DNAJC11: variants seen among roughly 807,000 people sequenced by gnomAD.
The protein encoded by DNAJC11 is DnaJ heat shock protein family (Hsp40) member C11, also known as dnaJ homolog subfamily C member 11.
In DNAJC11, 15 loss-of-function variants were observed where a neutral mutation model predicts 78.6. The ratio of observed to expected loss-of-function variants is 0.19; its 90% CI spans 0.13 to 0.29. The LOEUF (loss-of-function observed/expected upper bound fraction) is 0.29. Among genes scored for constraint, DNAJC11 ranks in the 10% least tolerant of loss-of-function variants. DNAJC11 has a pLI of 1.00. For synonymous variants in DNAJC11, 292 were observed against 272.1 expected (o/e 1.07, Z -0.72); for missense variants, 547 against 709.6 (o/e 0.77, Z 2.60).
intron 3 of DNAJC11, among the ~76,000 whole-genome samples, chr1:6,674,731 A>AC (rs928765536): frequency 6.6e-6 from 1 of 152,074 alleles, no homozygotes; most frequent in Non-Finnish European, 1.5e-5. Context: ...CTGTCTCAAA[A>AC]AAAAAAAAGT....
chr1:6,644,504 G>C, intron 10 of DNAJC11, 54 bp downstream of exon 10: 1 of 1,269,596 alleles, frequency 7.9e-7, no homozygotes, highest in Non-Finnish European at 1.2e-6. Flanking sequence ...GTAAAGCCTG[G>C]TTGAGTGAAG....
intron 1 of DNAJC11, among the ~76,000 whole-genome samples, chr1:6,684,796 T>C (rs942311395): frequency 2.6e-5 from 4 of 152,168 alleles, no homozygotes; most frequent in African/African-American, 9.7e-5. Flanking sequence ...ATCCTAAAAT[T>C]CTGTAACAAA....
chr1:6,647,777 T>C (rs934650135), intron 7 of DNAJC11, among the ~76,000 whole-genome samples: 3 of 152,076 alleles, frequency 2.0e-5, no homozygotes, highest in African/African-American at 7.2e-5. Context: ...ACTGCGCCAC[T>C]GCACTCCAGC....
chr1:6,639,558 C>G (rs193084765), intron 11 of DNAJC11, among the ~76,000 whole-genome samples: 3 of 152,230 alleles, frequency 2.0e-5, no homozygotes, highest in African/African-American at 2.4e-5. Context: ...TCCTGAACGC[C>G]TCACCTCGGG....
Position 6,645,076 on chromosome 1 carries a change from T to C in DNAJC11, c.945A>G (p.Gln315=). 1 of 1,614,124 alleles carries C rather than the reference T, an allele frequency of 6.2e-7. No homozygotes were observed. Among genetic ancestry groups the C allele is most frequent in the Non-Finnish European group, 8.5e-7 (1 of 1,179,984 alleles). ...FALISYQHKF[Q]DDDQTRVKGS... The stretch of plus-strand genomic sequence containing the variant: ...CTTTCACACGAGTCTGATCGTCATC[T>C]TGGAATTTGTGCTGATAGCTGATCA... Residue 315 remains glutamine, a synonymous_variant, in exon 9 of 16, where the codon CAA becomes CAG. Transcript: ENST00000377577. This position sits in a 1 kb window ranked among gnomAD's most constrained non-coding sequence, Gnocchi z 4.1.
intron 7 of DNAJC11, among the ~76,000 whole-genome samples, chr1:6,646,370 G>GA (rs1470283364): frequency 1.3e-5 from 2 of 152,152 alleles, no homozygotes; most frequent in Admixed American, 6.6e-5. Flanking sequence ...CTGCACGCTG[G>GA]AATCACCTGG....
chr1:6,665,284 G>T (rs1476052121), intron 4 of DNAJC11, among the ~76,000 whole-genome samples: 2 of 152,100 alleles, frequency 1.3e-5, no homozygotes, highest in African/African-American at 4.8e-5. Flanking sequence ...GCACAGGCTG[G>T]TCTCAAACTC....
intron 10 of DNAJC11, 81 bp from the exon 11 acceptor site, chr1:6,640,138 C>A (rs1570264137): frequency 2.7e-6 from 4 of 1,459,392 alleles, no homozygotes. Context: ...GTGTCAGGCA[C>A]AGGAAGAGAA....
intron 3 of DNAJC11, chr1:6,670,535 G>A (rs1035892828): frequency 2.0e-5 from 3 of 151,852 alleles, no homozygotes; most frequent in African/African-American, 7.3e-5. Flanking sequence ...CTAGGAACTC[G>A]TCCACTACTT....
At chr1:6,655,786 G>A (rs559927082) in intron 4 of DNAJC11, among the ~76,000 whole-genome samples, 2 of 152,022 alleles carry the variant, frequency 1.3e-5, no homozygotes, top group South Asian at 2.1e-4. Context: ...TCCAGCATGG[G>A]TGACAGAGCA....
At position 6,683,128 on chromosome 1, in the gene DNAJC11, C is replaced by T. The variant is rs12029482; in HGVS notation, c.73-2091G>A. Among the ~76,000 whole-genome samples the T allele has an allele frequency of 3.0e-4, 46 of 152,272 alleles. No individual in the cohort carries two copies. In the East Asian group the frequency reaches 4.8e-3, roughly 16 times the overall value. ...TGAGAATTGGTGAGACCCCACTCCGCGGCAAATCTCTTTCTCCCATCTTCC... is the reference window on the plus strand; with the variant it reads ...TGAGAATTGGTGAGACCCCACTCCGTGGCAAATCTCTTTCTCCCATCTTCC... On this transcript the variant is annotated intron_variant, in intron 1 of 15. Transcript: ENST00000377577.
intron 6 of DNAJC11, among the ~76,000 whole-genome samples, chr1:6,652,166 A>C (rs761833549): frequency 6.6e-6 from 1 of 152,144 alleles, no homozygotes; most frequent in Non-Finnish European, 1.5e-5. Context: ...GCAACTCTTC[A>C]ATGTTAATTT....
intron 3 of DNAJC11, among the ~76,000 whole-genome samples, chr1:6,676,999 C>A (rs1490424174): frequency 1.3e-5 from 2 of 151,954 alleles, no homozygotes; most frequent in Non-Finnish European, 2.9e-5. Flanking sequence ...CATGGAGAAA[C>A]CCTGTCTCTA....
intron 6 of DNAJC11, among the ~76,000 whole-genome samples, chr1:6,652,047 G>A (rs760457049): frequency 1.3e-5 from 2 of 152,136 alleles, no homozygotes; most frequent in Non-Finnish European, 2.9e-5. Flanking sequence ...TCACTGGGGC[G>A]GTCCTCAGGA....
At chr1:6,673,540 T>C (rs765043599) in intron 3 of DNAJC11, among the ~76,000 whole-genome samples, 81 of 152,298 alleles carry the variant, frequency 5.3e-4, no homozygotes, top group Non-Finnish European at 9.4e-4. Flanking sequence ...AGAAAATGAT[T>C]TGGAAACGCT....
intron 3 of DNAJC11, among the ~76,000 whole-genome samples, chr1:6,675,388 T>C (rs1642445307): frequency 6.6e-6 from 1 of 152,062 alleles, no homozygotes; most frequent in Non-Finnish European, 1.5e-5. Flanking sequence ...CACCCACGAC[T>C]GTGCACTTAT....
In DNAJC11 at chr1:6,653,595, T is replaced by A. The variant is rs1642086651; in HGVS notation, c.507+316A>T. On this transcript the variant is annotated intron_variant, in intron 5 of 15. Coordinates refer to ENST00000377577, the MANE Select transcript of DNAJC11 (RefSeq NM_018198.4). The surrounding 1 kb of genome is among the most constrained non-coding windows in gnomAD (Gnocchi z 4.5). ...TAAAACTGGTTGTTAGAATGATCCA[T>A]GGAGGTCTGCTTTCTCTCCCAGAAC... 6.6e-6 allele frequency among the ~76,000 whole-genome samples: 1 copy of A among 152,122 alleles called. No homozygotes were observed. The highest frequency in any genetic ancestry group is 1.5e-5 in the Non-Finnish European group (1 of 68,014).
chr1:6,673,637 A>C (rs1456527655), intron 3 of DNAJC11, among the ~76,000 whole-genome samples: 1 of 152,194 alleles, frequency 6.6e-6, no homozygotes, highest in Non-Finnish European at 1.5e-5. Flanking sequence ...AGAGCTCTCA[A>C]ATCTCAGAAA....
At chr1:6,686,841 C>T (rs1207910704) in intron 1 of DNAJC11, among the ~76,000 whole-genome samples, 1 of 152,162 alleles carries the variant, frequency 6.6e-6, no homozygotes, top group Non-Finnish European at 1.5e-5. Flanking sequence ...TTAAAGCCAC[C>T]AGGTTTTTTG....
Sources: allele counts gnomAD v4.1 joint callset (sites outside exome capture counted in the v4.1 genomes callset), GRCh38; gene constraint gnomAD v4.1.1; non-coding constraint Gnocchi (gnomAD v3.1); transcripts MANE v1.5; gene names NCBI Gene and HGNC (gene_info 2026-07-23, HGNC 2026-07-21).